RBFOX1: variants seen among roughly 807,000 people sequenced by gnomAD.
The protein encoded by RBFOX1 is RNA binding protein fox-1 homolog 1.
RBFOX1 carries 8 observed loss-of-function variants against 57.7 expected under a neutral mutation model. The observed-to-expected ratio is 0.14, with a 90% CI of 0.08 to 0.25. The LOEUF (loss-of-function observed/expected upper bound fraction) is 0.25. Ranked by LOEUF, RBFOX1 falls within the 10% of genes least tolerant of loss-of-function variation. The pLI is 1.00. For missense variants in RBFOX1, 611 were observed against 548.5 expected (o/e 1.11, Z -1.14); for synonymous variants, 326 against 222.4 (o/e 1.47, Z -4.15).
chr16:7,083,375 G>C (rs2059491514), intron 4 of RBFOX1, among the ~76,000 whole-genome samples: 1 of 152,050 alleles, frequency 6.6e-6, no homozygotes, highest in Non-Finnish European at 1.5e-5. Flanking sequence ...GCAGGTGGGA[G>C]AATGAATGGG....
At chr16:7,508,499 G>T (rs1054791721) in intron 4 of RBFOX1, among the ~76,000 whole-genome samples, 1 of 152,088 alleles carries the variant, frequency 6.6e-6, no homozygotes, top group African/African-American at 2.4e-5. Context: ...CTTGTCCTCT[G>T]TGTTTATGTG....
chr16:5,936,194 G>T (rs2059164716), intron 4 of RBFOX1, among the ~76,000 whole-genome samples: 1 of 152,108 alleles, frequency 6.6e-6, no homozygotes, highest in Non-Finnish European at 1.5e-5. Flanking sequence ...CGTGATCTTG[G>T]CTCACTGCAA....
chr16:5,277,661 T>A (rs1316557382), intron 1 of RBFOX1, among the ~76,000 whole-genome samples: 1 of 152,124 alleles, frequency 6.6e-6, no homozygotes, highest in African/African-American at 2.4e-5. Flanking sequence ...ATAACTGCGG[T>A]CTCTATCCCT....
At chr16:7,068,231 C>T (rs1347091540) in intron 4 of RBFOX1, among the ~76,000 whole-genome samples, 1 of 152,122 alleles carries the variant, frequency 6.6e-6, no homozygotes, top group Non-Finnish European at 1.5e-5. Context: ...GATCAGCCAG[C>T]CAAGATTGTC....
At chr16:7,510,767 C>G (rs2074864581) in intron 4 of RBFOX1, among the ~76,000 whole-genome samples, 1 of 152,176 alleles carries the variant, frequency 6.6e-6, no homozygotes, top group African/African-American at 2.4e-5. Flanking sequence ...CTGAAAACTG[C>G]AAGCAACCAT....
rs866171745 is a variant in RBFOX1 at position 5,856,204 on chromosome 16, T to C, written c.319-11099T>C. On this transcript the variant is annotated intron_variant, in intron 3 of 19. Transcript: ENST00000641259. Reference sequence around the variant, plus strand: ...CTCTCTCTCTATATATATATATATATATACATATATATGTATATATATATG... The same window carrying C: ...CTCTCTCTCTATATATATATATATACATACATATATATGTATATATATATG... Among the ~76,000 whole-genome samples the C allele has an allele frequency of 1.4e-3, 61 of 44,860 alleles. 1 individual carries two copies. Among genetic ancestry groups the C allele is most frequent in the African/African-American group, 3.4e-3 (52 of 15,106 alleles). 29.4% of individuals were successfully genotyped at this position (44,860 alleles called of 152,430 possible). A position where few individuals can be genotyped will look rare whatever the true frequency, so the allele number is the denominator to read the frequency against.
At chr16:5,601,519 A>T (rs1381820346), downstream of RBFOX1, 1 of 152,146 alleles carries the variant, frequency 6.6e-6, no homozygotes, top group African/African-American at 2.4e-5. Context: ...TCCTCGGAAG[A>T]CTGTGGGAGC....
chr16:5,681,964 G>A (rs1165138971), intron 3 of RBFOX1, among the ~76,000 whole-genome samples: 2 of 151,956 alleles, frequency 1.3e-5, no homozygotes, highest in African/African-American at 4.8e-5. Flanking sequence ...TGGAGTATTG[G>A]GATACAGTAA....
At chr16:7,511,939 C>T (rs1317388850) in intron 4 of RBFOX1, among the ~76,000 whole-genome samples, 2 of 152,178 alleles carry the variant, frequency 1.3e-5, no homozygotes, top group Non-Finnish European at 2.9e-5. Context: ...CAAGAAAGTC[C>T]AGGCACTGAA....
At chr16:7,415,344 G>T (rs2149216944) in intron 4 of RBFOX1, among the ~76,000 whole-genome samples, 1 of 152,278 alleles carries the variant, frequency 6.6e-6, no homozygotes, top group African/African-American at 2.4e-5. Flanking sequence ...ACCAGATGGA[G>T]TTCTGGTATC....
intron 3 of RBFOX1, among the ~76,000 whole-genome samples, chr16:6,655,479 G>A (rs2098643572): frequency 6.6e-6 from 1 of 150,444 alleles, no homozygotes. Context: ...AGATTAAGGG[G>A]GTAGGGGGCA....
chr16:5,243,088 C>G (rs2062208807), intron 1 of RBFOX1, among the ~76,000 whole-genome samples: 1 of 152,052 alleles, frequency 6.6e-6, no homozygotes, highest in African/African-American at 2.4e-5. Flanking sequence ...TTGAGAAGGC[C>G]TAGAAAACCT....
intron 4 of RBFOX1, among the ~76,000 whole-genome samples, chr16:7,489,628 A>T (rs990201903): frequency 6.6e-6 from 1 of 151,554 alleles, no homozygotes; most frequent in African/African-American, 2.4e-5. Flanking sequence ...AAATCCTCCA[A>T]CGTCAGTCTC....
chr16:6,532,544 T>C (rs534571491), intron 2 of RBFOX1, among the ~76,000 whole-genome samples: 111 of 152,276 alleles, frequency 7.3e-4, no homozygotes, highest in South Asian at 1.5e-3. Context: ...ACCCTTTAAA[T>C]ATTCATCTCC....
chr16:5,798,707 T>G (rs1156938299), intron 3 of RBFOX1, among the ~76,000 whole-genome samples: 1 of 152,226 alleles, frequency 6.6e-6, no homozygotes, highest in East Asian at 1.9e-4. Context: ...TTTAAAACAT[T>G]TGCTACTCGT....
chr16:5,246,598 A>G (rs893528057), intron 1 of RBFOX1, among the ~76,000 whole-genome samples: 3 of 152,056 alleles, frequency 2.0e-5, no homozygotes, highest in Non-Finnish European at 4.4e-5. Context: ...GTCCTTTGGC[A>G]TCTGCCCACT....
At chr16:6,756,554 G>T (rs1290237685) in intron 3 of RBFOX1, among the ~76,000 whole-genome samples, 1 of 152,118 alleles carries the variant, frequency 6.6e-6, no homozygotes, top group African/African-American at 2.4e-5. Context: ...GCAAATATTT[G>T]CAAGCTATTC....
intron 3 of RBFOX1, among the ~76,000 whole-genome samples, chr16:6,825,833 C>A (rs77241537): frequency 1.3e-5 from 2 of 152,162 alleles, no homozygotes. Flanking sequence ...GAACTTGCAT[C>A]TTCCATCCGG....
intron 2 of RBFOX1, among the ~76,000 whole-genome samples, chr16:6,336,753 T>G (rs2083821525): frequency 1.3e-5 from 2 of 152,262 alleles, no homozygotes; most frequent in Admixed American, 1.3e-4. Context: ...GGACAGGCTA[T>G]GCAGTGGGAA....
Sources: gnomAD v4.1 joint callset for allele counts (sites outside exome capture counted in the v4.1 genomes callset) on GRCh38, gnomAD v4.1.1 for gene constraint, MANE v1.5 for transcripts, NCBI Gene and HGNC (gene_info 2026-07-23, HGNC 2026-07-21) for gene names.